The following CTNNA3 variants were observed in gnomAD, a reference collection of about 807,000 sequenced individuals.
The protein encoded by CTNNA3 is catenin alpha 3.
In CTNNA3, 76 loss-of-function variants were observed where a neutral mutation model predicts 95.7. The observed-to-expected ratio is 0.79, with a 90% CI of 0.66 to 0.96. The LOEUF (loss-of-function observed/expected upper bound fraction) is 0.96. CTNNA3 is among the 40% of genes least tolerant of loss of function. CTNNA3 has a pLI of 0.00. For synonymous variants in CTNNA3, 431 were observed against 374.4 expected, an observed-to-expected ratio of 1.15 and a Z score of -1.74; for missense variants, 1,191 against 1,089.8, an observed-to-expected ratio of 1.09 and a Z score of -1.31.
chr10:66,637,125 TA>T (rs1467291110), intron 9 of CTNNA3, among the ~76,000 whole-genome samples: 1 of 152,218 alleles, frequency 6.6e-6, no homozygotes, highest in Non-Finnish European at 1.5e-5. Flanking sequence ...TAAATCCCAG[TA>T]ACAGAAGATT....
intron 12 of CTNNA3, among the ~76,000 whole-genome samples, chr10:66,339,721 G>A (rs911220657): frequency 6.6e-6 from 1 of 151,746 alleles, no homozygotes; most frequent in Non-Finnish European, 1.5e-5. Context: ...TTAAAAATCA[G>A]TTCTCAGAAG....
chr10:66,281,313 C>T (rs1450077718), intron 12 of CTNNA3, among the ~76,000 whole-genome samples: 3 of 151,856 alleles, frequency 2.0e-5, no homozygotes, highest in Non-Finnish European at 2.9e-5. Context: ...AATAAAAACG[C>T]TTCTTCAATT....
chr10:67,606,918 G>T lies in CTNNA3; in HGVS notation c.231C>A (p.Ala77=), dbSNP rs1843296218. Residue 77 remains alanine, a synonymous_variant, in exon 3 of 18, where the codon GCC becomes GCA. Transcript: ENST00000433211. ...WNLLDKGEKI[A]QEATVLKDEL... ...CATCCTTTAAAACTGTAGCTTCCTGGGCAATCTTCTCTCCCTTGTCTAATA... is the reference window on the plus strand; with the variant it reads ...CATCCTTTAAAACTGTAGCTTCCTGTGCAATCTTCTCTCCCTTGTCTAATA... 1 of 1,614,064 alleles carries T rather than the reference G, an allele frequency of 6.2e-7. No individual in the cohort carries two copies. The highest frequency in any genetic ancestry group is 8.5e-7 in the Non-Finnish European group (1 of 1,179,966).
At chr10:66,360,769 T>TTTTC (rs1387654842) in intron 12 of CTNNA3, among the ~76,000 whole-genome samples, 1 of 67,882 alleles carries the variant, frequency 1.5e-5, no homozygotes, top group African/African-American at 5.3e-5. Context: ...CCTTCCTTCC[T>TTTTC]TTTCTTTCTT....
intron 7 of CTNNA3, among the ~76,000 whole-genome samples, chr10:66,986,800 C>A (rs971828358): frequency 6.6e-6 from 1 of 152,076 alleles, no homozygotes. Flanking sequence ...ATATGATAGT[C>A]AATCATTTCT....
At chr10:67,050,854 T>C (rs544689014) in intron 7 of CTNNA3, among the ~76,000 whole-genome samples, 1 of 152,238 alleles carries the variant, frequency 6.6e-6, no homozygotes, top group Non-Finnish European at 1.5e-5. Flanking sequence ...AAAATATTTA[T>C]GCAAAGTTTT....
At chr10:66,657,504 A>G (rs1456859293) in intron 9 of CTNNA3, among the ~76,000 whole-genome samples, 1 of 152,076 alleles carries the variant, frequency 6.6e-6, no homozygotes, top group Non-Finnish European at 1.5e-5. Flanking sequence ...TACACCATCC[A>G]ATCTGAAGCA....
At chr10:66,735,522 T>C (rs1002779316) in intron 9 of CTNNA3, among the ~76,000 whole-genome samples, 4 of 151,974 alleles carry the variant, frequency 2.6e-5, no homozygotes, top group African/African-American at 9.7e-5. Context: ...TAAAAAGTTA[T>C]TCTTAATATA....
intron 13 of CTNNA3, among the ~76,000 whole-genome samples, chr10:66,185,601 G>A (rs1589668914): frequency 6.6e-6 from 1 of 151,894 alleles, no homozygotes; most frequent in East Asian, 1.9e-4. Context: ...GCTCTCCTAC[G>A]CAAAATTTGT....
intron 5 of CTNNA3, among the ~76,000 whole-genome samples, chr10:67,304,930 G>A (rs1460843431): frequency 6.6e-6 from 1 of 151,954 alleles, no homozygotes. Context: ...AAGGGAAGAG[G>A]AGGAGGTACA....
At chr10:67,179,494 C>CAAA (rs35292826) in intron 7 of CTNNA3, among the ~76,000 whole-genome samples, 1,004 of 85,242 alleles carry the variant, frequency 0.012, 15 homozygotes, top group African/African-American at 0.03. Context: ...GCTAAAACTT[C>CAAA]AAAAAAAAAA....
rs181974416 is a variant in CTNNA3 at position 66,149,835 on chromosome 10, T to C, written c.1885-46586A>G. 3.6e-3 allele frequency among the ~76,000 whole-genome samples: 555 copies of C among 152,174 alleles called. 7 individuals carry two copies. The highest frequency in any genetic ancestry group is 0.028 in the Middle Eastern group (8 of 288). The stretch of plus-strand genomic sequence containing the variant: ...TTTAAAAACAATGGAATAAACTATC[T>C]CATTATTATAGCAAAAAAAATTAAA... On this transcript the variant is annotated intron_variant, in intron 13 of 17. Coordinates refer to ENST00000433211, the MANE Select transcript of CTNNA3 (RefSeq NM_013266.4).
chr10:67,684,176 G>A (rs537201560), intron 1 of CTNNA3, among the ~76,000 whole-genome samples: 1 of 152,132 alleles, frequency 6.6e-6, no homozygotes, highest in Non-Finnish European at 1.5e-5. Flanking sequence ...TGATTGGTCC[G>A]TTTTTACAGA....
chr10:67,714,816 T>C (rs1213434256), intron 1 of CTNNA3, among the ~76,000 whole-genome samples: 1 of 152,190 alleles, frequency 6.6e-6, no homozygotes, highest in Non-Finnish European at 1.5e-5. Flanking sequence ...TCCCATGCTA[T>C]TCTCAGTGAA....
At chr10:66,967,223 C>T (rs905580099) in intron 7 of CTNNA3, among the ~76,000 whole-genome samples, 2 of 151,776 alleles carry the variant, frequency 1.3e-5, no homozygotes, top group Non-Finnish European at 1.5e-5. Context: ...TGACATAAAC[C>T]ATGACCTTCT....
intron 13 of CTNNA3, among the ~76,000 whole-genome samples, chr10:66,206,827 G>C (rs572695621): frequency 2.0e-5 from 3 of 151,962 alleles, no homozygotes; most frequent in East Asian, 1.9e-4. Flanking sequence ...TAAGCTTTAA[G>C]GGGTAGAATC....
chr10:66,749,304 C>T (rs1450696011), intron 9 of CTNNA3, among the ~76,000 whole-genome samples: 2 of 151,512 alleles, frequency 1.3e-5, no homozygotes, highest in South Asian at 2.1e-4. Context: ...TAACATGTAT[C>T]CACCGTTGCA....
intron 11 of CTNNA3, among the ~76,000 whole-genome samples, chr10:66,467,784 G>A (rs1162788205): frequency 6.6e-6 from 1 of 152,072 alleles, no homozygotes; most frequent in African/African-American, 2.4e-5. Context: ...GTATCATAGC[G>A]TATGGTAAGT....
chr10:67,536,400 T>C (rs558681490), intron 4 of CTNNA3, among the ~76,000 whole-genome samples: 5 of 152,262 alleles, frequency 3.3e-5, no homozygotes, highest in African/African-American at 1.2e-4. Context: ...CTTCACTGTC[T>C]CAGAAAATTG....
Sources: allele counts gnomAD v4.1 joint callset (sites outside exome capture counted in the v4.1 genomes callset), GRCh38; gene constraint gnomAD v4.1.1; transcripts MANE v1.5; gene names NCBI Gene and HGNC (gene_info 2026-07-23, HGNC 2026-07-21).